Variants in NREP observed in about 807,000 individuals in gnomAD.
NREP encodes the protein neuronal regeneration related protein.
Under a neutral mutation model 8.6 loss-of-function variants are expected in NREP, and 5 were observed. That is an observed-to-expected ratio of 0.58 (90% CI 0.30 to 1.22). NREP has a LOEUF of 1.22. NREP is among the 50% of genes most tolerant of loss of function. The pLI is 0.07. For synonymous variants in NREP, 27 were observed against 28.0 expected, an observed-to-expected ratio of 0.96 and a Z score of 0.11; for missense variants, 86 against 82.5, an observed-to-expected ratio of 1.04 and a Z score of -0.17.
chr5:111,810,518 C>G (rs1204661842), intron 2 of NREP, among the ~76,000 whole-genome samples: 2 of 152,182 alleles, frequency 1.3e-5, no homozygotes, highest in African/African-American at 2.4e-5. Context: ...TTTGAGGTAT[C>G]CTGAGTGAAT....
chr5:111,938,980 C>T (rs1002797686), intron 2 of NREP, among the ~76,000 whole-genome samples: 12 of 152,136 alleles, frequency 7.9e-5, no homozygotes, highest in Non-Finnish European at 1.2e-4. Context: ...CTGGATCAGT[C>T]CATCGATTAC....
chr5:111,849,695 A>T (rs1753262946), intron 2 of NREP, among the ~76,000 whole-genome samples: 1 of 152,026 alleles, frequency 6.6e-6, no homozygotes, highest in Non-Finnish European at 1.5e-5. Context: ...ATCATGCTTT[A>T]TTATATATAG....
At chr5:111,791,317 TTCC>T (rs1751740967) in intron 2 of NREP, among the ~76,000 whole-genome samples, 2 of 152,204 alleles carry the variant, frequency 1.3e-5, no homozygotes, top group Non-Finnish European at 2.9e-5. Flanking sequence ...CTTGAACTTA[TTCC>T]TCCTAATTGG....
At chr5:111,796,679 ATGAG>A (rs5870474) in intron 2 of NREP, among the ~76,000 whole-genome samples, 39,530 of 151,994 alleles carry the variant, frequency 0.26, 5,962 homozygotes, top group Non-Finnish European at 0.34. Context: ...TTGGCAATGA[ATGAG>A]TAAGTGCTAA....
chr5:111,892,850 T>C (rs1324075860), intron 2 of NREP, among the ~76,000 whole-genome samples: 16 of 152,136 alleles, frequency 1.1e-4, no homozygotes, highest in Admixed American at 5.2e-4. Context: ...TTGGGTTTCT[T>C]AGGATCTGAG....
intron 2 of NREP, among the ~76,000 whole-genome samples, chr5:111,736,632 G>C (rs1044687475): frequency 6.6e-6 from 1 of 152,158 alleles, no homozygotes; most frequent in African/African-American, 2.4e-5. Context: ...TCTAGGGTAG[G>C]AAATGTAGAT....
chr5:111,964,867 A>AT (rs1321056547), intron 2 of NREP, among the ~76,000 whole-genome samples: 81 of 105,326 alleles, frequency 7.7e-4, no homozygotes, highest in Non-Finnish European at 1.0e-3. Context: ...AAAAAAAAAA[A>AT]AAAAAAAAAA....
At chr5:111,959,922 A>G (rs747214791) in intron 2 of NREP, among the ~76,000 whole-genome samples, 63 of 150,630 alleles carry the variant, frequency 4.2e-4, no homozygotes, top group Non-Finnish European at 8.5e-4. Context: ...TATAACCAGG[A>G]TTTTTTCATG....
chr5:111,779,943 A>G (rs539698463), intron 2 of NREP, among the ~76,000 whole-genome samples: 1 of 152,256 alleles, frequency 6.6e-6, no homozygotes, highest in South Asian at 2.1e-4. Context: ...AGGCATATTC[A>G]TAATGTCTGA....
chr5:111,873,911 C>A (rs1348206915), intron 2 of NREP, among the ~76,000 whole-genome samples: 1 of 152,156 alleles, frequency 6.6e-6, no homozygotes, highest in African/African-American at 2.4e-5. Context: ...CCACTCTCTT[C>A]CCATTCCCTC....
intron 2 of NREP, among the ~76,000 whole-genome samples, chr5:111,871,053 C>CGT (rs34667486): frequency 0.051 from 7,262 of 142,374 alleles, 216 homozygotes; most frequent in Non-Finnish European, 0.065. Flanking sequence ...GAACCAATGG[C>CGT]GTGTGTGTGT....
chr5:111,948,238 T>C (rs1756045883), intron 2 of NREP, among the ~76,000 whole-genome samples: 1 of 152,118 alleles, frequency 6.6e-6, no homozygotes, highest in South Asian at 2.1e-4. Context: ...GGTCAACGTG[T>C]TCCACATTTT....
At chr5:111,773,271 C>G (rs1175890343) in intron 2 of NREP, among the ~76,000 whole-genome samples, 1 of 151,992 alleles carries the variant, frequency 6.6e-6, no homozygotes, top group African/African-American at 2.4e-5. Flanking sequence ...GGAAGATATA[C>G]CTTAGGAGGG....
chr5:111,786,922 T>A (rs1751626425), intron 2 of NREP, among the ~76,000 whole-genome samples: 1 of 152,176 alleles, frequency 6.6e-6, no homozygotes, highest in African/African-American at 2.4e-5. Flanking sequence ...GAAAGTTATA[T>A]TTATTAAGTA....
At chr5:111,854,319 A>T (rs1449159516) in intron 2 of NREP, among the ~76,000 whole-genome samples, 1 of 152,158 alleles carries the variant, frequency 6.6e-6, no homozygotes, top group Non-Finnish European at 1.5e-5. Flanking sequence ...AAGTCCACCC[A>T]GCCCGGGGCC....
intron 2 of NREP, among the ~76,000 whole-genome samples, chr5:111,892,072 T>G (rs371132851): frequency 1.6e-3 from 250 of 152,070 alleles, no homozygotes; most frequent in African/African-American, 5.9e-3. Context: ...AAGTAAATAT[T>G]TAGTGAGAAA....
At chr5:111,753,889 TAAA>T (rs914008626) in intron 2 of NREP, among the ~76,000 whole-genome samples, 1 of 143,086 alleles carries the variant, frequency 7.0e-6, no homozygotes, top group East Asian at 2.0e-4. Context: ...TATCACTTCT[TAAA>T]AAAAAAAAAA....
chr5:111,757,988 G>T, upstream of NREP: 1 of 985,552 alleles, frequency 1.0e-6, no homozygotes, highest in Non-Finnish European at 1.2e-6. Flanking sequence ...GCGACGGGCG[G>T]CAGCCGCCTT....
intron 2 of NREP, among the ~76,000 whole-genome samples, chr5:111,801,362 CTG>C (rs1752002484): frequency 6.6e-6 from 1 of 152,128 alleles, no homozygotes; most frequent in Non-Finnish European, 1.5e-5. Context: ...AAACCAACAC[CTG>C]CTTTAAATTC....
Sources: allele counts gnomAD v4.1 joint callset (sites outside exome capture counted in the v4.1 genomes callset), GRCh38; gene constraint gnomAD v4.1.1; transcripts MANE v1.5; gene names NCBI Gene and HGNC (gene_info 2026-07-23, HGNC 2026-07-21).